Variants in CTIF observed in about 807,000 individuals in gnomAD.
CTIF encodes the protein CBP80/20-dependent translation initiation factor.
A neutral mutation model predicts 66.0 loss-of-function variants in CTIF; 21 were observed. The observed-to-expected ratio is 0.32, with a 90% CI of 0.23 to 0.46. The LOEUF (loss-of-function observed/expected upper bound fraction) is 0.46. Among genes scored for constraint, CTIF ranks in the 20% least tolerant of loss-of-function variants. The pLI is 1.00. For missense variants in CTIF, 739 were observed against 812.7 expected (o/e 0.91, Z 1.10); for synonymous variants, 345 against 326.4 (o/e 1.06, Z -0.62).
chr18:48,646,959 C>T (rs997164983), intron 3 of CTIF, among the ~76,000 whole-genome samples: 3 of 144,206 alleles, frequency 2.1e-5, no homozygotes, highest in Non-Finnish European at 4.5e-5. Context: ...TTTGATTGAG[C>T]AATTGCACTC....
At chr18:48,714,395 A>G (rs2092259810) in intron 7 of CTIF, among the ~76,000 whole-genome samples, 1 of 152,152 alleles carries the variant, frequency 6.6e-6, no homozygotes. Context: ...CACCATATGA[A>G]GGGAAGGGGC....
chr18:48,587,706 G>T (rs2089802735), intron 1 of CTIF, among the ~76,000 whole-genome samples: 1 of 152,180 alleles, frequency 6.6e-6, no homozygotes, highest in Non-Finnish European at 1.5e-5. Context: ...CTAAATATCT[G>T]CAAGTTCGAG....
At chr18:48,570,754 G>A (rs533046668) in intron 1 of CTIF, among the ~76,000 whole-genome samples, 181 of 152,266 alleles carry the variant, frequency 1.2e-3, no homozygotes, top group African/African-American at 4.2e-3. Flanking sequence ...CTGGAGGTGA[G>A]AGAGTGAGTG....
chr18:48,696,862 A>G (rs969563976), intron 6 of CTIF, among the ~76,000 whole-genome samples: 1 of 152,168 alleles, frequency 6.6e-6, no homozygotes, highest in African/African-American at 2.4e-5. Context: ...TAGTGGGCCT[A>G]AGCATCTGTG....
intron 11 of CTIF, 72 bp downstream of exon 11, chr18:48,857,713 C>A: frequency 7.1e-7 from 1 of 1,416,030 alleles, no homozygotes; most frequent in Non-Finnish European, 9.6e-7. Context: ...GTTCTAGGGG[C>A]ACGAGGGTTG....
chr18:48,754,646 G>A (rs118104669), intron 7 of CTIF, among the ~76,000 whole-genome samples: 2,233 of 152,300 alleles, frequency 0.015, 29 homozygotes, highest in Admixed American at 0.024. Flanking sequence ...ACCCAATTAG[G>A]AGGGAACACT....
chr18:48,618,358 C>T (rs1427674455), intron 1 of CTIF, among the ~76,000 whole-genome samples: 1 of 152,206 alleles, frequency 6.6e-6, no homozygotes, highest in Non-Finnish European at 1.5e-5. Context: ...CATGTCTTCT[C>T]TGTGCTTTCT....
At chr18:48,858,820 G>A (rs1452895669) in intron 11 of CTIF, among the ~76,000 whole-genome samples, 6 of 152,198 alleles carry the variant, frequency 3.9e-5, no homozygotes, top group Non-Finnish European at 8.8e-5. Flanking sequence ...TGGGGGCTGG[G>A]AGATGGGATC....
chr18:48,597,134 T>TGTAA, intron 1 of CTIF, among the ~76,000 whole-genome samples: 1 of 152,302 alleles, frequency 6.6e-6, no homozygotes, highest in East Asian at 1.9e-4. Flanking sequence ...AACGAAGAAG[T>TGTAA]GTAACATCAA....
chr18:48,726,511 T>C (rs2092388696), intron 7 of CTIF, among the ~76,000 whole-genome samples: 3 of 152,140 alleles, frequency 2.0e-5, no homozygotes, highest in Admixed American at 2.0e-4. Flanking sequence ...GCCCAAGCAG[T>C]TGGAGAACAG....
chr18:48,710,630 G>A (rs1051864570), intron 6 of CTIF, among the ~76,000 whole-genome samples: 2 of 152,238 alleles, frequency 1.3e-5, no homozygotes, highest in African/African-American at 4.8e-5. Flanking sequence ...CTGTGATCCT[G>A]CATTTGCAGG....
intron 7 of CTIF, among the ~76,000 whole-genome samples, chr18:48,738,192 G>T (rs1427212806): frequency 1.3e-5 from 2 of 152,122 alleles, no homozygotes; most frequent in Admixed American, 6.5e-5. Context: ...GTTCCTGCGG[G>T]TCCCATCTTC....
At chr18:48,645,065 A>G (rs2091001941) in intron 3 of CTIF, among the ~76,000 whole-genome samples, 1 of 152,220 alleles carries the variant, frequency 6.6e-6, no homozygotes, top group Non-Finnish European at 1.5e-5. Context: ...GGAAAATGCA[A>G]TAGATGTTCT....
chr18:48,832,800 C>A (rs545247134), intron 10 of CTIF, among the ~76,000 whole-genome samples: 70 of 152,366 alleles, frequency 4.6e-4, no homozygotes, highest in African/African-American at 1.7e-3. Flanking sequence ...AATGCAAACA[C>A]ACATTCAGTA....
intron 1 of CTIF, among the ~76,000 whole-genome samples, chr18:48,545,050 C>T (rs1007650538): frequency 3.3e-5 from 5 of 152,172 alleles, no homozygotes; most frequent in Admixed American, 6.5e-5. Context: ...CTAAAGGAGA[C>T]GGCTCAGGAG....
chr18:48,830,374 G>C (rs929099725), intron 10 of CTIF, among the ~76,000 whole-genome samples: 1 of 152,130 alleles, frequency 6.6e-6, no homozygotes, highest in Non-Finnish European at 1.5e-5. Flanking sequence ...ATGTTGGCCA[G>C]GCTGATCTCA....
chr18:48,677,218 C>G lies in CTIF; in HGVS notation c.507+6474C>G, dbSNP rs983288658. 2.6e-5 allele frequency among the ~76,000 whole-genome samples: 4 copies of G among 152,176 alleles called. No homozygotes were observed. In the East Asian group the frequency reaches 7.7e-4, roughly 29 times the overall value. ...CAGGAGCAGAGTCCTGAAAACCATG[C>G]CCCACCTCGCCTCCCCAGGCCCTGT... is the stretch of plus-strand genomic sequence containing the variant. On this transcript the variant is annotated intron_variant, in intron 6 of 11. Transcript: ENST00000256413.
chr18:48,583,847 G>A (rs188792884), intron 1 of CTIF, among the ~76,000 whole-genome samples: 2 of 152,358 alleles, frequency 1.3e-5, no homozygotes, highest in East Asian at 3.9e-4. Context: ...GTTGGGGAAT[G>A]ATGGGAAGAA....
chr18:48,586,276 C>CTTT (rs545720420), intron 1 of CTIF, among the ~76,000 whole-genome samples: 13 of 138,482 alleles, frequency 9.4e-5, no homozygotes, highest in African/African-American at 3.2e-4. Context: ...CACACTTTTA[C>CTTT]TTTTTTTTTT....
Sources: allele counts gnomAD v4.1 joint callset (sites outside exome capture counted in the v4.1 genomes callset), GRCh38; gene constraint gnomAD v4.1.1; transcripts MANE v1.5; gene names NCBI Gene and HGNC (gene_info 2026-07-23, HGNC 2026-07-21).